Variants in NECAP2 observed in about 807,000 individuals in gnomAD.
NECAP2 encodes adaptin ear-binding coat-associated protein 2.
Under a neutral mutation model 37.8 loss-of-function variants are expected in NECAP2, and 38 were observed. The observed-to-expected ratio is 1.01, with a 90% confidence interval of 0.78 to 1.32. NECAP2 has a LOEUF of 1.32. Among genes scored for constraint, NECAP2 ranks in the 40% most tolerant of loss-of-function variants. The pLI is 0.00. For synonymous variants in NECAP2, 121 were observed against 127.7 expected, an observed-to-expected ratio of 0.95 and a Z score of 0.35; for missense variants, 316 against 334.5, an observed-to-expected ratio of 0.94 and a Z score of 0.43.
At chr1:16,450,989 C>T (rs1367424460) in intron 5 of NECAP2, 1 of 152,196 alleles carries the variant, frequency 6.6e-6, no homozygotes, top group South Asian at 2.1e-4. Context: ...AATTTATAAA[C>T]TTGCACCTTG....
At chr1:16,442,714 G>A (rs2086706309) in intron 1 of NECAP2, among the ~76,000 whole-genome samples, 1 of 152,162 alleles carries the variant, frequency 6.6e-6, no homozygotes, top group Admixed American at 6.5e-5. Context: ...GATCCCTTGA[G>A]CCCAAGACTT....
At position 16,448,111 on chromosome 1, in the gene NECAP2, A is replaced by T. The variant is rs776071339; in HGVS notation, c.350A>T (p.Asp117Val). The T allele has an allele frequency of 6.2e-7, 1 of 1,614,012 alleles. No homozygotes were observed. Among genetic ancestry groups the T allele is most frequent in the Admixed American group, 1.7e-5 (1 of 59,992 alleles). Reference protein sequence around the residue: ...IGFGDRGDAFDFNVALQDHFK... With the variant: ...IGFGDRGDAFVFNVALQDHFK... ...TTCGGGGACCGAGGTGATGCCTTTG[A>T]CTTCAATGTTGCATTGCAGGACCAT... Residue 117 changes from aspartate (D) to valine (V), a missense_variant, in exon 4 of 8, where the codon GAC becomes GTC. Physicochemically the swap from Asp to Val is radical, Grantham distance 152. Coordinates refer to ENST00000337132, the MANE Select transcript of NECAP2 (RefSeq NM_018090.5).
chr1:16,452,106 A>G (rs2086853341), intron 6 of NECAP2, 91 bp downstream of exon 6: 2 of 1,317,440 alleles, frequency 1.5e-6, no homozygotes, highest in Admixed American at 2.4e-5. Context: ...CCCGTTACAC[A>G]CATGGATTGG....
intron 6 of NECAP2, among the ~76,000 whole-genome samples, chr1:16,454,692 C>G (rs996613571): frequency 2.6e-5 from 4 of 152,156 alleles, no homozygotes; most frequent in African/African-American, 9.7e-5. Flanking sequence ...TTCTCCATGC[C>G]TCATTTTTCT....
At chr1:16,456,255 C>T (rs889310867) in intron 7 of NECAP2, among the ~76,000 whole-genome samples, 2 of 152,060 alleles carry the variant, frequency 1.3e-5, no homozygotes, top group African/African-American at 4.8e-5. Flanking sequence ...GAACTCCTGA[C>T]CTCAGGCGAT....
At chr1:16,442,208 C>T (rs1261086886) in intron 1 of NECAP2, among the ~76,000 whole-genome samples, 2 of 151,616 alleles carry the variant, frequency 1.3e-5, no homozygotes, top group Non-Finnish European at 2.9e-5. Context: ...GAACTCCCTA[C>T]CTCAGGTGGT....
chr1:16,459,179 A>T lies in NECAP2; in HGVS notation c.*289A>T. On this transcript the variant is annotated 3_prime_UTR_variant, in exon 8 of 8. Transcript: ENST00000337132. ...TGAGAGAGACTCTGAGACTTCTTCC[A>T]TCGCAATGACCTGTATTAAACACAA... 1 of 574,096 alleles carries T rather than the reference A, an allele frequency of 1.7e-6. No homozygotes were observed. Among genetic ancestry groups the T allele is most frequent in the Non-Finnish European group, 3.0e-6 (1 of 332,700 alleles). 35.6% of individuals were successfully genotyped at this position (574,096 alleles called of 1,614,324 possible).
rs375823676 is a variant in NECAP2, at chr1:16,451,905, G to C, written c.557G>C (p.Ser186Thr). 143 of 1,613,962 alleles carry C rather than the reference G, an allele frequency of 8.9e-5. No homozygotes were observed. Among genetic ancestry groups the C allele is most frequent in the Non-Finnish European group, 1.2e-4 (141 of 1,179,968 alleles). ...CGGCCTGCCAGCACAGGAGGGCTGA[G>C]CCTGCTTCCCCCTCCCCCAGGGGGG... is the stretch of plus-strand genomic sequence containing the variant. Reference protein sequence around the residue: ...RVRPASTGGLSLLPPPPGGKT... With the variant: ...RVRPASTGGLTLLPPPPGGKT... The change falls in exon 6 of 8, where the codon AGC becomes ACC. Residue 186 changes from serine to threonine, a missense_variant. Coordinates refer to ENST00000337132, the MANE Select transcript of NECAP2 (RefSeq NM_018090.5).
At chr1:16,451,509 A>G (rs1037720641) in intron 5 of NECAP2, 1 of 287,446 alleles carries the variant, frequency 3.5e-6, no homozygotes, top group East Asian at 8.0e-5. Flanking sequence ...CAGCGCGTGA[A>G]TGGTTACTTC....
rs2086804770 is a variant in NECAP2 at position 16,449,103 on chromosome 1, C to T, written c.391C>T (p.Gln131Ter). The change falls in exon 5 of 8, where the codon CAG becomes TAG. Residue 131 changes from glutamine to a stop codon, truncating the protein, a stop_gained. Transcript: ENST00000337132. LOFTEE classifies it high-confidence loss of function. ...ATGTTCTCTCCCCAGGTGGGTGAAA[C>T]AGCAGTGTGAATTTGCAAAACAAGC... ...ALQDHFKWVKQQCEFAKQAQN... is the reference protein window; with the variant it reads ...ALQDHFKWVK 5 of 1,612,260 alleles carry T rather than the reference C, an allele frequency of 3.1e-6. No individual in the cohort carries two copies. Among genetic ancestry groups the T allele is most frequent in the Non-Finnish European group, 4.2e-6 (5 of 1,179,058 alleles).
At chr1:16,450,288 GT>G (rs544037982) in intron 5 of NECAP2, 5,645 of 290,656 alleles carry the variant, frequency 0.019, no homozygotes, top group South Asian at 0.033. Context: ...TTGTTTTGTT[GT>G]TTTTTTTTTT....
intron 1 of NECAP2, chr1:16,441,222 A>G (rs1476717796): frequency 6.1e-5 from 13 of 211,760 alleles, no homozygotes; most frequent in East Asian, 3.3e-4. Flanking sequence ...GAGGTGCCCT[A>G]TCACAGACGG....
At chr1:16,455,285 G>T (rs1301735363) in intron 6 of NECAP2, among the ~76,000 whole-genome samples, 1 of 152,200 alleles carries the variant, frequency 6.6e-6, no homozygotes, top group African/African-American at 2.4e-5. Context: ...GAGCTTCTGT[G>T]TGAGCTCTTT....
In NECAP2 at chr1:16,449,186, C is replaced by G; in HGVS notation, c.474C>G (p.Ile158Met). The change falls in exon 5 of 8, where the codon ATC (isoleucine) becomes ATG (methionine). Residue 158 changes from isoleucine to methionine, a missense_variant. Coordinates refer to ENST00000337132, the MANE Select transcript of NECAP2 (RefSeq NM_018090.5). ...LDLGFKEGQT[I>M]KLNIANMKKK... ...TGGGCTTCAAGGAGGGCCAGACCAT[C>G]AAGCTCAACATCGCAGTGAGTTCTA... The G allele has an allele frequency of 6.2e-7, 1 of 1,611,314 alleles. No individual in the cohort carries two copies. Among genetic ancestry groups the G allele is most frequent in the East Asian group, 2.2e-5 (1 of 44,840 alleles).
At chr1:16,457,486 G>T (rs968637850) in intron 7 of NECAP2, among the ~76,000 whole-genome samples, 1 of 152,042 alleles carries the variant, frequency 6.6e-6, no homozygotes, top group African/African-American at 2.4e-5. Flanking sequence ...AAACAGAGGC[G>T]TGAAATGAGG....
intron 4 of NECAP2, among the ~76,000 whole-genome samples, chr1:16,448,861 A>G (rs2086800873): frequency 1.3e-5 from 2 of 152,112 alleles, no homozygotes; most frequent in African/African-American, 2.4e-5. Context: ...TTGAAAACCT[A>G]TAGAATTGTG....
chr1:16,454,418 T>A (rs1361157083), intron 6 of NECAP2, among the ~76,000 whole-genome samples: 8 of 149,390 alleles, frequency 5.4e-5, no homozygotes, highest in African/African-American at 2.0e-4. Context: ...TGCAGTGGCA[T>A]GATCTCAGCT....
At chr1:16,443,947 G>C (rs2086725436) in intron 2 of NECAP2, among the ~76,000 whole-genome samples, 1 of 152,196 alleles carries the variant, frequency 6.6e-6, no homozygotes, top group African/African-American at 2.4e-5. Flanking sequence ...TCAAACACTA[G>C]TTCCTTTTAG....
chr1:16,452,234 G>A (rs572836155), intron 6 of NECAP2, among the ~76,000 whole-genome samples: 1 of 152,344 alleles, frequency 6.6e-6, no homozygotes, highest in African/African-American at 2.4e-5. Context: ...TGAGAGGCCA[G>A]GGCTGCGACT....
Sources: gnomAD v4.1 joint callset for allele counts (sites outside exome capture counted in the v4.1 genomes callset) on GRCh38, gnomAD v4.1.1 for gene constraint, MANE v1.5 for transcripts, NCBI Gene and HGNC (gene_info 2026-07-23, HGNC 2026-07-21) for gene names.